Variants in SCN11A observed in about 807,000 individuals in gnomAD.
SCN11A encodes the protein sodium channel protein type 11 subunit alpha.
SCN11A carries 122 observed loss-of-function variants against 162.2 expected under a neutral mutation model. The observed-to-expected ratio is 0.75, with a 90% CI of 0.65 to 0.87. The LOEUF is 0.87. Ranked by LOEUF, SCN11A falls within the 40% of genes least tolerant of loss-of-function variation. SCN11A has a pLI of 0.00. For synonymous variants in SCN11A, 758 were observed against 751.5 expected (o/e 1.01, Z -0.14); for missense variants, 2,015 against 2,181.6 (o/e 0.92, Z 1.52).
chr3:38,945,790 C>T, intron 6 of SCN11A, among the ~76,000 whole-genome samples: 1 of 152,212 alleles, frequency 6.6e-6, no homozygotes, highest in East Asian at 1.9e-4. Context: ...TGGTGCAATT[C>T]ATGCTCCAGA....
chr3:38,988,312 C>T (rs533289001), intron 2 of SCN11A, among the ~76,000 whole-genome samples: 18 of 152,186 alleles, frequency 1.2e-4, no homozygotes, highest in African/African-American at 4.1e-4. Flanking sequence ...CTCTTCCTTC[C>T]TTATTTATCA....
chr3:38,919,888 G>T, intron 11 of SCN11A, 47 bp downstream of exon 11: 1 of 1,376,666 alleles, frequency 7.3e-7, no homozygotes, highest in Non-Finnish European at 1.0e-6. Context: ...ATTCTAAAAG[G>T]TCTAGAGGTA....
chr3:39,012,475 T>A, intron 2 of SCN11A, among the ~76,000 whole-genome samples: 1 of 144,724 alleles, frequency 6.9e-6, no homozygotes, highest in African/African-American at 2.8e-5. Context: ...TCTCTCTCTC[T>A]TTCTCTCTTT....
chr3:38,847,817 G>C (rs1196900951), intron 29 of SCN11A, 75 bp from the exon 30 acceptor site: 2 of 899,984 alleles, frequency 2.2e-6, no homozygotes, highest in African/African-American at 1.7e-5. Context: ...TCCTGCCTCA[G>C]AATCCTATGG....
chr3:38,907,794 T>C (rs2065822526), intron 14 of SCN11A, among the ~76,000 whole-genome samples, 155 bp downstream of exon 14: 1 of 152,222 alleles, frequency 6.6e-6, no homozygotes, highest in Non-Finnish European at 1.5e-5. Flanking sequence ...AATAAATGGA[T>C]AATTGAAAAG....
At chr3:39,027,774 G>T (rs2031628517) in intron 2 of SCN11A, among the ~76,000 whole-genome samples, 1 of 152,182 alleles carries the variant, frequency 6.6e-6, no homozygotes, top group African/African-American at 2.4e-5. Flanking sequence ...TCTGGAACTA[G>T]CAGATGATTA....
intron 4 of SCN11A, among the ~76,000 whole-genome samples, 158 bp downstream of exon 4, chr3:38,953,471 G>A (rs2066645683): frequency 6.6e-6 from 1 of 152,060 alleles, no homozygotes; most frequent in Non-Finnish European, 1.5e-5. Flanking sequence ...GAGATAGGAA[G>A]ATAAAGGGGA....
chr3:38,901,717 C>T (rs1424342025), intron 16 of SCN11A, among the ~76,000 whole-genome samples: 1 of 152,196 alleles, frequency 6.6e-6, no homozygotes, highest in African/African-American at 2.4e-5. Flanking sequence ...TCCACCACTA[C>T]TACCATGGGA....
intron 19 of SCN11A, among the ~76,000 whole-genome samples, chr3:38,887,199 C>T (rs2126110099): frequency 6.6e-6 from 1 of 152,132 alleles, no homozygotes; most frequent in Middle Eastern, 3.4e-3. Flanking sequence ...ATTCTCTCCC[C>T]AACAAGATTA....
chr3:38,857,201 C>T (rs13324869), intron 28 of SCN11A, among the ~76,000 whole-genome samples: 38,671 of 151,812 alleles, frequency 0.25, 5,064 homozygotes, highest in African/African-American at 0.3. Flanking sequence ...TATTATTAAG[C>T]TAATCAAGGA....
intron 2 of SCN11A, among the ~76,000 whole-genome samples, chr3:38,994,002 G>A (rs1398152090): frequency 6.6e-6 from 1 of 152,160 alleles, no homozygotes; most frequent in Non-Finnish European, 1.5e-5. Flanking sequence ...AGCTGTCCAC[G>A]CAGTAACCAT....
At position 38,880,083 on chromosome 3, in the gene SCN11A, T is replaced by C. The variant is rs750916374; in HGVS notation, c.3260A>G (p.Gln1087Arg). The change falls in exon 23 of 30, where the codon CAA becomes CGA. Residue 1087 changes from glutamine to arginine, a missense_variant. By Grantham distance (43) the Gln-to-Arg change is conservative (BLOSUM62 1). Coordinates refer to ENST00000302328, the MANE Select transcript of SCN11A (RefSeq NM_001349253.2). ...DVHLENQPKI[Q>R]ELLNCTDIIF... ...AATGTCAGTACAATTTAGTAATTCT[T>C]GGATTTTGGGTTGGTTCTCAAGGTG... 6.2e-7 allele frequency: 1 copy of C among 1,611,976 alleles called. No individual in the cohort carries two copies. Among genetic ancestry groups the C allele is most frequent in the South Asian group, 1.1e-5 (1 of 90,942 alleles).
chr3:38,960,549 C>T (rs974530528), intron 2 of SCN11A, among the ~76,000 whole-genome samples, 126 bp from the exon 3 acceptor site: 1 of 152,208 alleles, frequency 6.6e-6, no homozygotes, highest in Non-Finnish European at 1.5e-5. Flanking sequence ...TTGGAAGCAT[C>T]TGCCTTTAAT....
chr3:38,907,902 C>G, intron 14 of SCN11A, 47 bp downstream of exon 14: 1 of 1,496,458 alleles, frequency 6.7e-7, no homozygotes, highest in Non-Finnish European at 9.0e-7. Context: ...TGGACCTGTC[C>G]CCCTGGACAG....
At chr3:38,944,370 C>T (rs372712575) in intron 7 of SCN11A, among the ~76,000 whole-genome samples, 11 of 151,758 alleles carry the variant, frequency 7.2e-5, no homozygotes, top group East Asian at 5.9e-4. Context: ...ACTCTGTTGC[C>T]CAGGCTGGAA....
chr3:39,040,805 A>C (rs972425958), intron 1 of SCN11A, among the ~76,000 whole-genome samples: 2 of 152,242 alleles, frequency 1.3e-5, no homozygotes, highest in Non-Finnish European at 2.9e-5. Context: ...AAGGCCGGGC[A>C]TGGTGGCTCA....
At chr3:38,940,765 T>C in intron 7 of SCN11A, among the ~76,000 whole-genome samples, 1 of 152,130 alleles carries the variant, frequency 6.6e-6, no homozygotes, top group East Asian at 1.9e-4. Flanking sequence ...AAAGTGTTTC[T>C]AACTATAAAT....
chr3:38,999,327 T>C (rs2030740604), intron 2 of SCN11A, among the ~76,000 whole-genome samples: 1 of 152,216 alleles, frequency 6.6e-6, no homozygotes, highest in Non-Finnish European at 1.5e-5. Context: ...GTGCTTTTTT[T>C]CTAAAAAACA....
At chr3:38,964,555 C>T (rs532400476) in intron 2 of SCN11A, among the ~76,000 whole-genome samples, 7 of 152,160 alleles carry the variant, frequency 4.6e-5, no homozygotes, top group Non-Finnish European at 8.8e-5. Flanking sequence ...GGGAGCAACT[C>T]GTTCTGGTAT....
Sources: gnomAD v4.1 joint callset for allele counts (sites outside exome capture counted in the v4.1 genomes callset) on GRCh38, gnomAD v4.1.1 for gene constraint, MANE v1.5 for transcripts, NCBI Gene and HGNC (gene_info 2026-07-23, HGNC 2026-07-21) for gene names.